The following DYM variants were observed in gnomAD, a reference collection of about 807,000 sequenced individuals.
The protein encoded by DYM is dymeclin.
A neutral mutation model predicts 93.1 loss-of-function variants in DYM; 78 were observed. That is an observed-to-expected ratio of 0.84 (90% confidence interval 0.70 to 1.01). DYM has a LOEUF of 1.01. Among genes scored for constraint, DYM ranks in the 50% least tolerant of loss-of-function variants. The pLI, the probability that DYM is intolerant of heterozygous loss-of-function variation, is 0.00. For missense variants in DYM, 789 were observed against 845.0 expected, an observed-to-expected ratio of 0.93 and a Z score of 0.82; for synonymous variants, 321 against 319.7, an observed-to-expected ratio of 1.00 and a Z score of -0.04.
intron 2 of DYM, among the ~76,000 whole-genome samples, chr18:49,392,278 G>A (rs926635945): frequency 6.6e-6 from 1 of 152,050 alleles, no homozygotes; most frequent in South Asian, 2.1e-4. Flanking sequence ...TCTTGAGATT[G>A]CATTTGACAA....
chr18:49,146,722 T>C (rs1007248389), intron 15 of DYM, among the ~76,000 whole-genome samples: 32 of 152,286 alleles, frequency 2.1e-4, no homozygotes, highest in Admixed American at 1.2e-3. Context: ...AAGAACATTC[T>C]ATGATCATGG....
intron 10 of DYM, among the ~76,000 whole-genome samples, chr18:49,278,877 A>G (rs1268613098): frequency 1.3e-5 from 2 of 152,190 alleles, no homozygotes; most frequent in African/African-American, 4.8e-5. Context: ...CTCTTATGCT[A>G]GGCATAAGCA....
chr18:49,063,011 C>T (rs944132938), intron 17 of DYM, among the ~76,000 whole-genome samples: 5 of 152,212 alleles, frequency 3.3e-5, no homozygotes, highest in African/African-American at 1.2e-4. Flanking sequence ...TTGCCATGAT[C>T]GGTTTTTAGC....
intron 13 of DYM, among the ~76,000 whole-genome samples, chr18:49,228,385 T>G (rs1398964839): frequency 6.6e-6 from 1 of 152,128 alleles, no homozygotes; most frequent in Non-Finnish European, 1.5e-5. Context: ...AACAGGAACT[T>G]ACACAATAAT....
rs543965352 is a variant in DYM, at chr18:49,050,616, C to T, written c.2026-6412G>A. Among the ~76,000 whole-genome samples, 3 of 152,088 alleles carry T rather than the reference C, an allele frequency of 2.0e-5. No homozygotes were observed. The East Asian group carries it at 5.8e-4, about 30-fold the overall frequency. ...GGGCTGTGGTTGACCAGGAATGAAG[C>T]CTTCTGCTTGAAGTTCACAGACAGC... On this transcript the variant is annotated intron_variant, in intron 17 of 17. Coordinates refer to ENST00000675505, the MANE Select transcript of DYM (RefSeq NM_001353214.3).
intron 13 of DYM, among the ~76,000 whole-genome samples, chr18:49,247,939 T>C (rs995822993): frequency 6.6e-6 from 1 of 152,214 alleles, no homozygotes; most frequent in Non-Finnish European, 1.5e-5. Flanking sequence ...CCACTGGCTG[T>C]AGGAAATACA....
At chr18:49,238,483 T>G (rs1412944447) in intron 13 of DYM, among the ~76,000 whole-genome samples, 1 of 151,814 alleles carries the variant, frequency 6.6e-6, no homozygotes, top group Non-Finnish European at 1.5e-5. Flanking sequence ...ACTCTTGATG[T>G]TAAGAAAGTT....
rs541969577 is a variant in DYM, at chr18:49,104,281, G to A, written c.1912-6766C>T. 5.9e-5 allele frequency among the ~76,000 whole-genome samples: 9 copies of A among 152,326 alleles called. No homozygotes were observed. The South Asian group carries it at 1.9e-3, about 32-fold the overall frequency. On this transcript the variant is annotated intron_variant, in intron 16 of 17. Transcript: ENST00000675505. The stretch of plus-strand genomic sequence containing the variant: ...TGATTTTGTAACCTGAGACTTTGCT[G>A]AAGTTGCCTATCAGCTTGAGGAGAT...
At chr18:49,416,807 A>G (rs1386296771) in intron 2 of DYM, among the ~76,000 whole-genome samples, 2 of 152,206 alleles carry the variant, frequency 1.3e-5, no homozygotes, top group Non-Finnish European at 2.9e-5. Flanking sequence ...ACTCAACAAG[A>G]GCCTACAAGG....
intron 2 of DYM, among the ~76,000 whole-genome samples, chr18:49,426,011 A>G (rs2074247774): frequency 6.6e-6 from 1 of 152,172 alleles, no homozygotes; most frequent in African/African-American, 2.4e-5. Context: ...ATCTAGAACT[A>G]GAAATACCAT....
intron 14 of DYM, among the ~76,000 whole-genome samples, chr18:49,192,683 T>C (rs1015460807): frequency 3.9e-5 from 6 of 152,212 alleles, no homozygotes; most frequent in African/African-American, 1.4e-4. Flanking sequence ...TTTTATAGAA[T>C]ACAGTAGTTT....
intron 13 of DYM, among the ~76,000 whole-genome samples, chr18:49,223,368 T>C (rs1182267800): frequency 3.3e-5 from 5 of 152,040 alleles, no homozygotes; most frequent in Admixed American, 6.6e-5. Context: ...AAAGCAGCCA[T>C]AGGATGCACA....
intron 9 of DYM, 45 bp downstream of exon 9, chr18:49,286,389 T>A: frequency 6.3e-7 from 1 of 1,593,648 alleles, no homozygotes; most frequent in Non-Finnish European, 8.6e-7. Flanking sequence ...GAACAAGCAA[T>A]ACTCTCCCCA....
intron 17 of DYM, among the ~76,000 whole-genome samples, chr18:49,075,000 C>A (rs1388603774): frequency 6.6e-6 from 1 of 152,116 alleles, no homozygotes; most frequent in Non-Finnish European, 1.5e-5. Context: ...GAGGAAGGGG[C>A]TGCTGATAAG....
chr18:49,119,410 C>T (rs1185241030), intron 15 of DYM, among the ~76,000 whole-genome samples: 1 of 152,166 alleles, frequency 6.6e-6, no homozygotes, highest in Non-Finnish European at 1.5e-5. Flanking sequence ...ACTGTTTCCT[C>T]ATAATGAATA....
At chr18:49,317,947 T>C (rs1274687625) in intron 8 of DYM, among the ~76,000 whole-genome samples, 2 of 152,002 alleles carry the variant, frequency 1.3e-5, no homozygotes, top group African/African-American at 4.8e-5. Context: ...CTAGAGGGGA[T>C]AGTAGTTAGG....
rs1001846667 is a variant in DYM, at chr18:49,059,721, G to A, written c.2026-15517C>T. ...AGCTGAAGGCTTACTCAGTACCACC[G>A]GAGACCCAACATCTTATTATGGAAA... On this transcript the variant is annotated intron_variant, in intron 17 of 17. Transcript: ENST00000675505. Among the ~76,000 whole-genome samples, 4 of 151,996 alleles carry A rather than the reference G, an allele frequency of 2.6e-5. No individual in the cohort carries two copies. In the East Asian group the frequency reaches 5.8e-4, roughly 22 times the overall value.
chr18:49,316,291 A>C (rs515634), intron 8 of DYM, among the ~76,000 whole-genome samples: 90,683 of 151,790 alleles, frequency 0.6, 27,710 homozygotes, highest in Non-Finnish European at 0.67. Context: ...CACACACACA[A>C]AAAAAAATCA....
At chr18:49,423,892 G>C (rs189016202) in intron 2 of DYM, among the ~76,000 whole-genome samples, 6 of 152,302 alleles carry the variant, frequency 3.9e-5, no homozygotes, top group African/African-American at 1.4e-4. Context: ...CTCTGAAATT[G>C]AGGCAATAAT....
Sources: gnomAD v4.1 joint callset for allele counts (sites outside exome capture counted in the v4.1 genomes callset) on GRCh38, gnomAD v4.1.1 for gene constraint, MANE v1.5 for transcripts, NCBI Gene and HGNC (gene_info 2026-07-23, HGNC 2026-07-21) for gene names.